Variants in FPR3 observed in about 807,000 individuals in gnomAD.
FPR3 encodes formyl peptide receptor 3.
For synonymous variants in FPR3, 135 were observed against 163.6 expected (o/e 0.83, Z 1.34); for missense variants, 346 against 443.2 (o/e 0.78, Z 1.97).
At chr19:51,813,243 C>G (rs2084110700) in intron 1 of FPR3, among the ~76,000 whole-genome samples, 1 of 151,718 alleles carries the variant, frequency 6.6e-6, no homozygotes, top group Admixed American at 6.6e-5. Context: ...TGGTGAGGGC[C>G]ATTACTCACA....
At chr19:51,812,840 G>T (rs529778032) in intron 1 of FPR3, among the ~76,000 whole-genome samples, 1 of 152,150 alleles carries the variant, frequency 6.6e-6, no homozygotes, top group South Asian at 2.1e-4. Context: ...ATAAATTTAG[G>T]CCAGACGTGG....
intron 1 of FPR3, among the ~76,000 whole-genome samples, chr19:51,811,828 T>C (rs2084099060): frequency 6.6e-6 from 1 of 152,204 alleles, no homozygotes; most frequent in Admixed American, 6.5e-5. Flanking sequence ...GTGGGAGTAG[T>C]CGTGAGTTTG....
Position 51,824,914 on chromosome 19 carries a change from A to C in FPR3, c.*104A>C. On this transcript the variant is annotated 3_prime_UTR_variant, in exon 2 of 2. Coordinates refer to ENST00000339223, the MANE Select transcript of FPR3 (RefSeq NM_002030.5). The surrounding 1 kb of genome is among the most constrained non-coding windows in gnomAD (Gnocchi z 4.7). ...CCTCTTTCATACCACCACCACCACA[A>C]TCATCAACATAAAGGAAGTCTGTAC... The C allele has an allele frequency of 1.1e-6, 1 of 872,884 alleles. No individual in the cohort carries two copies. The highest frequency in any genetic ancestry group is 1.8e-6 in the Non-Finnish European group (1 of 569,260). The allele number at this position is 872,884 out of a possible 1,614,324, so 54.1% of individuals were successfully genotyped here.
chr19:51,812,327 A>C (rs1408779000), intron 1 of FPR3, among the ~76,000 whole-genome samples: 1 of 152,214 alleles, frequency 6.6e-6, no homozygotes. Flanking sequence ...ATCTCCACTT[A>C]ACAGCCCAAA....
At chr19:51,800,938 G>A (rs1322616620) in intron 1 of FPR3, among the ~76,000 whole-genome samples, 1 of 152,044 alleles carries the variant, frequency 6.6e-6, no homozygotes, top group African/African-American at 2.4e-5. Flanking sequence ...AGAGAGGAGA[G>A]GGACTCATTG....
chr19:51,807,245 G>A (rs189672079), intron 1 of FPR3, among the ~76,000 whole-genome samples: 78 of 152,244 alleles, frequency 5.1e-4, no homozygotes, highest in Admixed American at 4.6e-4. Context: ...CTAGCAGCCT[G>A]ATTCACAGCA....
At chr19:51,820,974 A>AAGTAGT (rs1379122439) in intron 1 of FPR3, among the ~76,000 whole-genome samples, 1 of 152,198 alleles carries the variant, frequency 6.6e-6, no homozygotes, top group African/African-American at 2.4e-5. Context: ...TAATGTTCAT[A>AAGTAGT]AGTAGTAGCC....
At chr19:51,812,413 G>T (rs2084103819) in intron 1 of FPR3, among the ~76,000 whole-genome samples, 1 of 152,108 alleles carries the variant, frequency 6.6e-6, no homozygotes, top group South Asian at 2.1e-4. Context: ...CAGCACTAAG[G>T]CTGTAGTCCC....
At chr19:51,814,684 G>A (rs2084121582) in intron 1 of FPR3, among the ~76,000 whole-genome samples, 1 of 152,048 alleles carries the variant, frequency 6.6e-6, no homozygotes, top group African/African-American at 2.4e-5. Context: ...AGTAAAGATG[G>A]GTTTTCGCCA....
At chr19:51,816,314 C>A (rs961378188) in intron 1 of FPR3, among the ~76,000 whole-genome samples, 1 of 152,178 alleles carries the variant, frequency 6.6e-6, no homozygotes, top group Non-Finnish European at 1.5e-5. Flanking sequence ...GTGGCATGAT[C>A]TCGGCTGACT....
chr19:51,799,972 C>T (rs1294902494), intron 1 of FPR3, among the ~76,000 whole-genome samples: 1 of 152,224 alleles, frequency 6.6e-6, no homozygotes, highest in Non-Finnish European at 1.5e-5. Context: ...TCAGCTCTAC[C>T]TCCATCTTGC....
intron 1 of FPR3, among the ~76,000 whole-genome samples, chr19:51,802,355 AG>A (rs2122415494): frequency 6.6e-6 from 1 of 152,254 alleles, no homozygotes; most frequent in Admixed American, 6.5e-5. Context: ...CAATGAGAGG[AG>A]GGGGTCAGGG....
chr19:51,804,137 A>G (rs1004252894), intron 1 of FPR3: 5 of 152,176 alleles, frequency 3.3e-5, no homozygotes, highest in African/African-American at 1.2e-4. Context: ...GTGAATGCTT[A>G]TAAGGGTCTG....
In FPR3 at chr19:51,808,801, C is replaced by T. The variant is rs539467764; in HGVS notation, c.-11+13470C>T. 3.9e-5 allele frequency among the ~76,000 whole-genome samples: 6 copies of T among 152,270 alleles called. No homozygotes were observed. In the South Asian group the frequency reaches 1.2e-3, roughly 32 times the overall value. ...AAATCATGTAGTAGTCGCCATCTTC[C>T]GGACTTTTTTGGAAAAACAAACACT... On this transcript the variant is annotated intron_variant, in intron 1 of 1. Transcript: ENST00000339223.
At chr19:51,813,450 C>G (rs184064129) in intron 1 of FPR3, among the ~76,000 whole-genome samples, 1 of 152,048 alleles carries the variant, frequency 6.6e-6, no homozygotes, top group East Asian at 1.9e-4. Context: ...AGGGAATGAT[C>G]TAAGGATGTC....
At chr19:51,804,128 T>G (rs892391976) in intron 1 of FPR3, 2 of 152,110 alleles carry the variant, frequency 1.3e-5, no homozygotes, top group Non-Finnish European at 2.9e-5. Context: ...TTCACTGCAG[T>G]GAATGCTTAT....
intron 1 of FPR3, among the ~76,000 whole-genome samples, chr19:51,796,424 A>G (rs1189966891): frequency 6.6e-6 from 1 of 152,230 alleles, no homozygotes; most frequent in Non-Finnish European, 1.5e-5. Flanking sequence ...AAGCCATCGG[A>G]AGGTATTGCG....
chr19:51,824,142 T>TG lies in FPR3; in HGVS notation c.397dup (p.Ala133GlyfsTer53). ...CTGTATTTGTGTCCTGCATCCAGCC[T>TG]GGGCCCAGAACCATCGCACCATGAG... On this transcript the variant is annotated frameshift_variant, in exon 2 of 2. Transcript: ENST00000339223. LOFTEE classifies it low-confidence loss of function (END_TRUNC). The surrounding 1 kb of genome is among the most constrained non-coding windows in gnomAD (Gnocchi z 4.7). 1 of 1,614,038 alleles carries TG rather than the reference T, an allele frequency of 6.2e-7. No homozygotes were observed. Among genetic ancestry groups the TG allele is most frequent in the Non-Finnish European group, 8.5e-7 (1 of 1,179,944 alleles).
At chr19:51,797,530 TA>T (rs1157464520) in intron 1 of FPR3, among the ~76,000 whole-genome samples, 1 of 152,194 alleles carries the variant, frequency 6.6e-6, no homozygotes, top group African/African-American at 2.4e-5. Flanking sequence ...CACCTCAATC[TA>T]AGTCTTAACT....
Sources: allele counts gnomAD v4.1 joint callset (sites outside exome capture counted in the v4.1 genomes callset), GRCh38; gene constraint gnomAD v4.1.1; non-coding constraint Gnocchi (gnomAD v3.1); transcripts MANE v1.5; gene names NCBI Gene and HGNC (gene_info 2026-07-23, HGNC 2026-07-21).